Variants in OSBPL3 observed in about 807,000 individuals in gnomAD.
OSBPL3 encodes the protein oxysterol-binding protein-related protein 3.
A neutral mutation model predicts 120.1 loss-of-function variants in OSBPL3; 65 were observed. The observed-to-expected ratio is 0.54, with a 90% CI of 0.44 to 0.67. OSBPL3 has a LOEUF of 0.67. OSBPL3 is among the 30% of genes least tolerant of loss of function. The pLI, the probability that OSBPL3 is intolerant of heterozygous loss-of-function variation, is 0.00. For missense variants in OSBPL3, 1,004 were observed against 1,082.1 expected (o/e 0.93, Z 1.01); for synonymous variants, 416 against 402.6 (o/e 1.03, Z -0.40).
Position 24,872,137 on chromosome 7 carries a change from G to T in OSBPL3, c.97-68C>A. On this transcript the variant is annotated intron_variant, in intron 2 of 22. Transcript: ENST00000313367. This position sits in a 1 kb window ranked among gnomAD's most constrained non-coding sequence, Gnocchi z 4.1. Reference sequence around the variant, plus strand: ...AAAAATAATAATGGTAAAAAGCACTGCATCCTGTCAGTAAATTTATTCAAG... The same window carrying T: ...AAAAATAATAATGGTAAAAAGCACTTCATCCTGTCAGTAAATTTATTCAAG... 3 of 1,076,998 alleles carry T rather than the reference G, an allele frequency of 2.8e-6. No individual in the cohort carries two copies. The highest frequency in any genetic ancestry group is 4.3e-6 in the Non-Finnish European group (3 of 697,798). 66.7% of individuals were successfully genotyped at this position (1,076,998 alleles called of 1,614,324 possible). A position where few individuals can be genotyped will look rare whatever the true frequency, so the allele number is the denominator to read the frequency against.
intron 1 of OSBPL3, among the ~76,000 whole-genome samples, chr7:24,904,935 G>A (rs1807660931): frequency 6.6e-6 from 1 of 150,744 alleles, no homozygotes; most frequent in South Asian, 2.1e-4. Context: ...GTGTGTGTGT[G>A]TGTGTGTGTG....
Position 24,817,849 on chromosome 7 carries a change from G to A in OSBPL3, c.1949-1161C>T, listed in dbSNP as rs921993128. ...AGTTAGATACAGACTGAAAAAGAAC[G>A]AATTTATGAACAATGTCAGATTTCT... is the stretch of plus-strand genomic sequence containing the variant. On this transcript the variant is annotated intron_variant, in intron 17 of 22. Transcript: ENST00000313367. The surrounding 1 kb of genome is among the most constrained non-coding windows in gnomAD (Gnocchi z 4.0). 6.6e-6 allele frequency among the ~76,000 whole-genome samples: 1 copy of A among 152,162 alleles called. No individual in the cohort carries two copies. The highest frequency in any genetic ancestry group is 2.4e-5 in the African/African-American group (1 of 41,428).
intron 1 of OSBPL3, among the ~76,000 whole-genome samples, chr7:24,928,381 C>T (rs937906993): frequency 2.6e-5 from 4 of 151,940 alleles, no homozygotes; most frequent in Admixed American, 1.3e-4. Context: ...TTAGTAGAGA[C>T]GGGGTTTCAC....
Position 24,803,756 on chromosome 7 carries a change from G to A in OSBPL3, c.2567+559C>T, listed in dbSNP as rs1792670027. Among the ~76,000 whole-genome samples, 1 of 151,770 alleles carries A rather than the reference G, an allele frequency of 6.6e-6. No individual in the cohort carries two copies. Among genetic ancestry groups the A allele is most frequent in the African/African-American group, 2.4e-5 (1 of 41,328 alleles). On this transcript the variant is annotated intron_variant, in intron 22 of 22. Transcript: ENST00000313367. This position sits in a 1 kb window ranked among gnomAD's most constrained non-coding sequence, Gnocchi z 4.2. Reference sequence around the variant, plus strand: ...ACTGCACTCCAGCCTGGGTGACAGAGCGAGACTCTGTATCAGAAAAAAAAA... The same window carrying A: ...ACTGCACTCCAGCCTGGGTGACAGAACGAGACTCTGTATCAGAAAAAAAAA...
Position 24,916,167 on chromosome 7 carries a change from T to G in OSBPL3, c.-149-23546A>C, listed in dbSNP as rs1809525381. Among the ~76,000 whole-genome samples the G allele has an allele frequency of 6.6e-6, 1 of 152,226 alleles. No individual in the cohort carries two copies. The highest frequency in any genetic ancestry group is 1.9e-4 in the East Asian group (1 of 5,194). On this transcript the variant is annotated intron_variant, in intron 1 of 22. Transcript: ENST00000313367. The surrounding 1 kb of genome is among the most constrained non-coding windows in gnomAD (Gnocchi z 4.9). ...CTTCTGAACCTAAGAGAACAAATAC[T>G]CTTATGCTACAGAATTACTTTTCAG...
intron 1 of OSBPL3, among the ~76,000 whole-genome samples, chr7:24,920,411 C>A (rs1204268243): frequency 6.6e-6 from 1 of 152,010 alleles, no homozygotes; most frequent in Non-Finnish European, 1.5e-5. Flanking sequence ...TGTATGATTC[C>A]ATTTATATAA....
chr7:24,884,091 CAA>C (rs56190515), intron 2 of OSBPL3, among the ~76,000 whole-genome samples: 1 of 150,238 alleles, frequency 6.7e-6, no homozygotes, highest in African/African-American at 2.4e-5. Context: ...ACAGCAACAA[CAA>C]AAAAAAACAG....
Position 24,813,455 on chromosome 7 carries a change from G to A in OSBPL3, c.2172+1604C>T, listed in dbSNP as rs113997830. 3.2e-3 allele frequency among the ~76,000 whole-genome samples: 484 copies of A among 152,276 alleles called. 3 individuals are homozygous for A. Among genetic ancestry groups the A allele is most frequent in the African/African-American group, 0.011 (453 of 41,534 alleles). On this transcript the variant is annotated intron_variant, in intron 19 of 22. Coordinates refer to ENST00000313367, the MANE Select transcript of OSBPL3 (RefSeq NM_015550.4). The surrounding 1 kb of genome is among the most constrained non-coding windows in gnomAD (Gnocchi z 4.5). The stretch of plus-strand genomic sequence containing the variant: ...CCTTGCAGAAAATGTTGAGAGCAAC[G>A]TGGCTTTCACCTGGGTCACGGGTAA...
At position 24,980,068 on chromosome 7, in the gene OSBPL3, C is replaced by G. The variant is rs1048877900; in HGVS notation, c.-332G>C. 6 of 985,152 alleles carry G rather than the reference C, an allele frequency of 6.1e-6. No homozygotes were observed. The African/African-American group carries it at 1.0e-4, about 17-fold the overall frequency. 61.0% of individuals were successfully genotyped at this position (985,152 alleles called of 1,614,324 possible). A position where few individuals can be genotyped will look rare whatever the true frequency, so the allele number is the denominator to read the frequency against. On this transcript the variant is annotated 5_prime_UTR_variant, in exon 1 of 23. Coordinates refer to ENST00000313367, the MANE Select transcript of OSBPL3 (RefSeq NM_015550.4). ...GGCCACTTGCAGACAGACTGCGGGG[C>G]CGGAGCCGCGCTGCGCACCGGCCGC...
chr7:24,975,965 A>G (rs1228899493), intron 1 of OSBPL3, among the ~76,000 whole-genome samples: 1 of 152,212 alleles, frequency 6.6e-6, no homozygotes, highest in Admixed American at 6.5e-5. Context: ...TAAAACTCAG[A>G]CTACCAGCTC....
rs989332751 is a variant in OSBPL3, at chr7:24,968,529, C to T, written c.-150+11357G>A. ...CTCCTGCCTCCACCTCCTGCGTAGC[C>T]GGGATTACAGGCACACACCACCACG... On this transcript the variant is annotated intron_variant, in intron 1 of 22. Coordinates refer to ENST00000313367, the MANE Select transcript of OSBPL3 (RefSeq NM_015550.4). The surrounding 1 kb of genome is among the most constrained non-coding windows in gnomAD (Gnocchi z 4.6). Among the ~76,000 whole-genome samples, 42 of 152,254 alleles carry T rather than the reference C, an allele frequency of 2.8e-4. No individual in the cohort carries two copies. The highest frequency in any genetic ancestry group is 9.1e-4 in the African/African-American group (38 of 41,558).
At chr7:24,908,491 G>A (rs1243768743) in intron 1 of OSBPL3, among the ~76,000 whole-genome samples, 1 of 152,190 alleles carries the variant, frequency 6.6e-6, no homozygotes, top group Non-Finnish European at 1.5e-5. Flanking sequence ...TCCCTACCAT[G>A]CCCTCTTTAC....
At chr7:24,935,086 T>A (rs1005364565) in intron 1 of OSBPL3, among the ~76,000 whole-genome samples, 1 of 152,130 alleles carries the variant, frequency 6.6e-6, no homozygotes. Flanking sequence ...GCATAGAAAA[T>A]TTGATAAATA....
rs1806435982 is a variant in OSBPL3 at position 24,898,058 on chromosome 7, T to G, written c.-149-5437A>C. Among the ~76,000 whole-genome samples the G allele has an allele frequency of 6.6e-6, 1 of 152,240 alleles. No homozygotes were observed. Among genetic ancestry groups the G allele is most frequent in the African/African-American group, 2.4e-5 (1 of 41,460 alleles). ...ATTTTTTAAGTGGGATATCTATTTCTGGTCTTTAATAAAATAAAATTATTC... is the reference window on the plus strand; with the variant it reads ...ATTTTTTAAGTGGGATATCTATTTCGGGTCTTTAATAAAATAAAATTATTC... On this transcript the variant is annotated intron_variant, in intron 1 of 22. Coordinates refer to ENST00000313367, the MANE Select transcript of OSBPL3 (RefSeq NM_015550.4). The surrounding 1 kb of genome is among the most constrained non-coding windows in gnomAD (Gnocchi z 4.3).
intron 1 of OSBPL3, among the ~76,000 whole-genome samples, chr7:24,927,499 T>C (rs1046824256): frequency 1.3e-5 from 2 of 152,216 alleles, no homozygotes; most frequent in African/African-American, 4.8e-5. Flanking sequence ...TAGTAAAATT[T>C]TGGTGACTAA....
At chr7:24,853,280 G>C (rs1173854138) in intron 10 of OSBPL3, among the ~76,000 whole-genome samples, 1 of 152,252 alleles carries the variant, frequency 6.6e-6, no homozygotes, top group African/African-American at 2.4e-5. Flanking sequence ...ATTGGTGAGA[G>C]TCAGGTGGAC....
At chr7:24,956,338 G>A (rs1217864128) in intron 1 of OSBPL3, among the ~76,000 whole-genome samples, 2 of 152,232 alleles carry the variant, frequency 1.3e-5, no homozygotes, top group Non-Finnish European at 2.9e-5. Context: ...GGATGCCAGT[G>A]GATAGAACTG....
chr7:24,944,076 TAAAA>T (rs70942898), intron 1 of OSBPL3, among the ~76,000 whole-genome samples: 122 of 118,678 alleles, frequency 1.0e-3, no homozygotes, highest in Non-Finnish European at 1.4e-3. Flanking sequence ...CAGTCTAAAG[TAAAA>T]AAAAAAAAAA....
In OSBPL3 at chr7:24,854,062, T is replaced by C. The variant is rs1256110489; in HGVS notation, c.1028-1428A>G. On this transcript the variant is annotated intron_variant, in intron 10 of 22. Transcript: ENST00000313367. The surrounding 1 kb of genome is among the most constrained non-coding windows in gnomAD (Gnocchi z 4.1). ...TGAAGTTTTAAAAAACATTAACACA[T>C]ACAGCACACACACACACACAAATCA... 6.6e-6 allele frequency among the ~76,000 whole-genome samples: 1 copy of C among 152,028 alleles called. No homozygotes were observed. Among genetic ancestry groups the C allele is most frequent in the African/African-American group, 2.4e-5 (1 of 41,406 alleles).
Sources: allele counts gnomAD v4.1 joint callset (sites outside exome capture counted in the v4.1 genomes callset), GRCh38; gene constraint gnomAD v4.1.1; non-coding constraint Gnocchi (gnomAD v3.1); transcripts MANE v1.5; gene names NCBI Gene and HGNC (gene_info 2026-07-23, HGNC 2026-07-21).